The following CIBAR2 variants were observed in gnomAD, a reference collection of about 807,000 sequenced individuals.
The protein encoded by CIBAR2 is CBY1 interacting BAR domain containing 2, also known as CBY1-interacting BAR domain-containing protein 2.
Under a neutral mutation model 36.2 loss-of-function variants are expected in CIBAR2, and 38 were observed. The observed-to-expected ratio is 1.05, with a 90% CI of 0.81 to 1.38. CIBAR2 has a LOEUF of 1.38. Among genes scored for constraint, CIBAR2 ranks in the 40% most tolerant of loss-of-function variants. The pLI is 0.00. For synonymous variants in CIBAR2, 182 were observed against 149.5 expected, an observed-to-expected ratio of 1.22 and a Z score of -1.58; for missense variants, 481 against 383.4, an observed-to-expected ratio of 1.25 and a Z score of -2.13.
chr16:85,101,661 G>T (rs1322654551), intron 7 of CIBAR2, among the ~76,000 whole-genome samples: 1 of 141,840 alleles, frequency 7.1e-6, no homozygotes, highest in Non-Finnish European at 1.5e-5. Context: ...TGATCCATTT[G>T]TGTTTTTTTG....
In CIBAR2 at chr16:85,110,220, A is replaced by G. The variant is rs781388866; in HGVS notation, c.255+6T>C. 6.5e-7 allele frequency: 1 copy of G among 1,544,630 alleles called. No individual in the cohort carries two copies. The highest frequency in any genetic ancestry group is 8.8e-7 in the Non-Finnish European group (1 of 1,140,538). The stretch of plus-strand genomic sequence containing the variant: ...AGCATCCCAGACCCGGGCCGGCAGC[A>G]CTCACCTGGGCCTGCCGGTAATCCT... On this transcript the variant is annotated splice_donor_region_variant and intron_variant, in intron 2 of 8. Transcript: ENST00000539556.
intron 5 of CIBAR2, among the ~76,000 whole-genome samples, chr16:85,107,257 C>A (rs8057656): frequency 4.6e-5 from 7 of 152,104 alleles, no homozygotes; most frequent in South Asian, 2.1e-4. Context: ...CTCTACCTCC[C>A]GGCCCCTGCA....
chr16:85,112,280 T>A (rs2074048927), intron 1 of CIBAR2, 53 bp downstream of exon 1: 1 of 1,573,162 alleles, frequency 6.4e-7, no homozygotes. Context: ...GCCCCGGGCC[T>A]CAAAACCCGA....
At chr16:85,108,393 T>C (rs2074014728) in intron 2 of CIBAR2, among the ~76,000 whole-genome samples, 2 of 152,180 alleles carry the variant, frequency 1.3e-5, no homozygotes, top group South Asian at 4.1e-4. Flanking sequence ...AGTAGGAAGA[T>C]GGTGCCTGGC....
At chr16:85,100,265 T>G in intron 7 of CIBAR2, 25 bp from the exon 8 acceptor site, 1 of 1,453,560 alleles carries the variant, frequency 6.9e-7, no homozygotes, top group Non-Finnish European at 9.6e-7. Flanking sequence ...CCAGGGTGGG[T>G]GGGATCCGAT....
chr16:85,100,036 G>C (rs62049953), intron 8 of CIBAR2, 103 bp downstream of exon 8: 3 of 870,270 alleles, frequency 3.4e-6, no homozygotes, highest in Non-Finnish European at 3.5e-6. Context: ...TTTCAAATTC[G>C]AGTTCTCAGC....
intron 2 of CIBAR2, among the ~76,000 whole-genome samples, chr16:85,109,205 G>C (rs2074021415): frequency 6.6e-6 from 1 of 152,062 alleles, no homozygotes. Flanking sequence ...GACCCCAGGA[G>C]TTCAAGACCA....
chr16:85,109,023 G>T (rs1027150958), intron 2 of CIBAR2, among the ~76,000 whole-genome samples: 14 of 152,196 alleles, frequency 9.2e-5, no homozygotes, highest in African/African-American at 3.4e-4. Context: ...TCTTCCTCTG[G>T]TCTCCGTGGG....
At position 85,110,380 on chromosome 16, in the gene CIBAR2, G is replaced by A. The variant is rs768163657; in HGVS notation, c.101C>T (p.Ala34Val). 13 of 1,613,476 alleles carry A rather than the reference G, an allele frequency of 8.1e-6. No individual in the cohort carries two copies. In the East Asian group the frequency reaches 2.0e-4, roughly 25 times the overall value. ...CAGCCGGGCCGTCTTGCGCGTGTAG[G>A]CGGCCAGCAGCGAGCAGAACTGCCC... ...YFGQFCSLLA[A>V]YTRKTARLRD... The change falls in exon 2 of 9, where the codon GCC (alanine) becomes GTC (valine). Residue 34 changes from alanine (A) to valine (V), a missense_variant. Coordinates refer to ENST00000539556, the MANE Select transcript of CIBAR2 (RefSeq NM_198491.3).
At position 85,102,213 on chromosome 16, in the gene CIBAR2, C is replaced by G. The variant is rs770157935; in HGVS notation, c.651+1G>C. On this transcript the variant is annotated splice_donor_variant, in intron 7 of 8. Coordinates refer to ENST00000539556, the MANE Select transcript of CIBAR2 (RefSeq NM_198491.3). LOFTEE classifies it high-confidence loss of function. ...TAGGAAACGGGGTGTCTGTGACTCA[C>G]CAGTAGATCCCTCTCCAGGTCATAC... 7 of 1,546,496 alleles carry G rather than the reference C, an allele frequency of 4.5e-6. No homozygotes were observed. Among genetic ancestry groups the G allele is most frequent in the South Asian group, 3.3e-5 (3 of 89,744 alleles).
chr16:85,110,194 C>T, intron 2 of CIBAR2, 32 bp downstream of exon 2: 1 of 1,503,692 alleles, frequency 6.7e-7, no homozygotes, highest in Non-Finnish European at 9.0e-7. Flanking sequence ...GGGTACCCCT[C>T]AGCATCCCAG....
At chr16:85,108,364 C>T (rs934349513) in intron 2 of CIBAR2, among the ~76,000 whole-genome samples, 1 of 152,180 alleles carries the variant, frequency 6.6e-6, no homozygotes, top group African/African-American at 2.4e-5. Context: ...CATGGATGCA[C>T]CTACCAGGGT....
chr16:85,102,147 C>T (rs1436419392), intron 7 of CIBAR2, 67 bp downstream of exon 7: 21 of 883,632 alleles, frequency 2.4e-5, no homozygotes, highest in Non-Finnish European at 3.7e-5. Context: ...CGACTTCTAT[C>T]AAGACAAAAC....
Position 85,112,367 on chromosome 16 carries a change from T to C in CIBAR2, c.-15A>G. ...ACGATGTTCATTGTGACCAGAGCTTTGGCTGTCCCGGTGCTGGGGAATAAG... is the reference window on the plus strand; with the variant it reads ...ACGATGTTCATTGTGACCAGAGCTTCGGCTGTCCCGGTGCTGGGGAATAAG... On this transcript the variant is annotated 5_prime_UTR_variant, in exon 1 of 9. Coordinates refer to ENST00000539556, the MANE Select transcript of CIBAR2 (RefSeq NM_198491.3). 6.2e-7 allele frequency: 1 copy of C among 1,613,848 alleles called. No individual in the cohort carries two copies. The highest frequency in any genetic ancestry group is 8.5e-7 in the Non-Finnish European group (1 of 1,179,786).
rs1373534342 is a variant in CIBAR2 at position 85,108,148 on chromosome 16, C to A, written c.256-49G>T. The A allele has an allele frequency of 2.6e-6, 4 of 1,538,882 alleles. No individual in the cohort carries two copies. The Admixed American group carries it at 7.5e-5, about 29-fold the overall frequency. Reference sequence around the variant, plus strand: ...GATCTGAGCGCAGGGTGCTGCCTGCCTCCAGCCTGGGCATATAAAGCAGAG... The same window carrying A: ...GATCTGAGCGCAGGGTGCTGCCTGCATCCAGCCTGGGCATATAAAGCAGAG... On this transcript the variant is annotated intron_variant, in intron 2 of 8. Transcript: ENST00000539556.
chr16:85,108,077 A>C lies in CIBAR2; in HGVS notation c.278T>G (p.Val93Gly), dbSNP rs747077441. 2.5e-6 allele frequency: 4 copies of C among 1,612,320 alleles called. No individual in the cohort carries two copies. Among genetic ancestry groups the C allele is most frequent in the Non-Finnish European group, 3.4e-6 (4 of 1,179,050 alleles). ...QAQVERLETK[V>G]VNPLKLYGAQ... ...CCCGTAGAGCTTCAGGGGGTTGACC[A>C]CCTTGGTCTCCAGCCTCTCGACCTG... The change falls in exon 3 of 9, where the codon GTG becomes GGG. Residue 93 changes from valine (V) to glycine (G), a missense_variant. By Grantham distance (109) the Val-to-Gly change is moderately radical (BLOSUM62 -3). Coordinates refer to ENST00000539556, the MANE Select transcript of CIBAR2 (RefSeq NM_198491.3).
At chr16:85,108,256 G>A (rs575624909) in intron 2 of CIBAR2, among the ~76,000 whole-genome samples, 157 bp from the exon 3 acceptor site, 1 of 152,314 alleles carries the variant, frequency 6.6e-6, no homozygotes, top group African/African-American at 2.4e-5. Flanking sequence ...GTGTGTTGGA[G>A]GCACGGAGCT....
At chr16:85,108,206 G>A (rs989760455) in intron 2 of CIBAR2, 107 bp from the exon 3 acceptor site, 2 of 1,060,910 alleles carry the variant, frequency 1.9e-6, no homozygotes, top group Non-Finnish European at 2.7e-6. Flanking sequence ...CCAGAGCTGT[G>A]CGGCGGGAGG....
rs200208728 is a variant in CIBAR2 at position 85,108,109 on chromosome 16, C to T, written c.256-10G>A. On this transcript the variant is annotated splice_polypyrimidine_tract_variant and intron_variant, in intron 2 of 8. Transcript: ENST00000539556. Reference sequence around the variant, plus strand: ...TCTCCAGCCTCTCGACCTGGGGGAGCGGGGACACCAGGGGATCTGAGCGCA... The same window carrying T: ...TCTCCAGCCTCTCGACCTGGGGGAGTGGGGACACCAGGGGATCTGAGCGCA... The T allele has an allele frequency of 5.0e-6, 8 of 1,604,258 alleles. No homozygotes were observed. The highest frequency in any genetic ancestry group is 3.3e-5 in the South Asian group (3 of 89,596).
Sources: allele counts gnomAD v4.1 joint callset (sites outside exome capture counted in the v4.1 genomes callset), GRCh38; gene constraint gnomAD v4.1.1; transcripts MANE v1.5; gene names NCBI Gene and HGNC (gene_info 2026-07-23, HGNC 2026-07-21).